TFEC: variants seen among roughly 807,000 people sequenced by gnomAD.
TFEC encodes class E basic helix-loop-helix protein 34.
A neutral mutation model predicts 41.6 loss-of-function variants in TFEC; 31 were observed. The observed-to-expected ratio is 0.74, with a 90% CI of 0.56 to 1.01. TFEC has a LOEUF of 1.01. TFEC is among the 50% of genes least tolerant of loss of function. The probability of loss-of-function intolerance (pLI) is 0.00; values close to 1 mark genes in which losing one functional copy is unlikely to be tolerated. For missense variants in TFEC, 402 were observed against 404.1 expected (o/e 0.99, Z 0.04); for synonymous variants, 143 against 140.6 (o/e 1.02, Z -0.12).
intron 3 of TFEC, among the ~76,000 whole-genome samples, chr7:116,039,951 C>A (rs1795997422): frequency 6.6e-6 from 1 of 152,028 alleles, no homozygotes; most frequent in South Asian, 2.1e-4. Context: ...AAGAGGAGAA[C>A]TGGGGTAAGT....
At chr7:116,008,548 G>A (rs1049063823) in intron 1 of TFEC, among the ~76,000 whole-genome samples, 1 of 152,106 alleles carries the variant, frequency 6.6e-6, no homozygotes, top group Non-Finnish European at 1.5e-5. Context: ...CTTGGTATCA[G>A]AGGTATATAA....
At chr7:116,128,919 GA>G (rs1798271258) in intron 1 of TFEC, among the ~76,000 whole-genome samples, 1 of 151,882 alleles carries the variant, frequency 6.6e-6, no homozygotes, top group Admixed American at 6.6e-5. Context: ...AATAGAAACA[GA>G]AAAAGACAAT....
intron 1 of TFEC, among the ~76,000 whole-genome samples, chr7:116,029,762 A>G (rs1270947373): frequency 6.6e-6 from 1 of 152,024 alleles, no homozygotes; most frequent in Non-Finnish European, 1.5e-5. Context: ...TAAAGTTTCT[A>G]CTACAACTCT....
chr7:115,997,846 T>C (rs1175779645), intron 1 of TFEC, among the ~76,000 whole-genome samples: 1 of 152,010 alleles, frequency 6.6e-6, no homozygotes, highest in African/African-American at 2.4e-5. Context: ...GCAGAATTCA[T>C]CAAGCAGAAG....
intron 3 of TFEC, among the ~76,000 whole-genome samples, chr7:116,067,690 T>C (rs1252558834): frequency 6.6e-6 from 1 of 151,972 alleles, no homozygotes; most frequent in Non-Finnish European, 1.5e-5. Flanking sequence ...TATGTGAAAA[T>C]TGTGGGTGGC....
intron 3 of TFEC, among the ~76,000 whole-genome samples, chr7:116,068,801 A>G (rs530728680): frequency 6.6e-6 from 1 of 151,758 alleles, no homozygotes; most frequent in African/African-American, 2.4e-5. Context: ...TTTAATTCAT[A>G]TGTAAGCTGT....
At chr7:116,110,915 C>T (rs1395607966) in exon 3 of TFEC, 1 of 1,505,984 alleles carries the variant, frequency 6.6e-7, no homozygotes, top group East Asian at 2.5e-5. Flanking sequence ...TATTTCTCTT[C>T]TTTTCTTCTC....
rs1321455207 is a variant in TFEC at position 115,935,626 on chromosome 7, ATTTGTATAT to A, written c.*4916_*4924del. On this transcript the variant is annotated 3_prime_UTR_variant, in exon 8 of 8. Transcript: ENST00000265440. Reference sequence around the variant, plus strand: ...TTCAGCAAAATCAGTCTCTTCTTTTATTTGTATATTTTGTCTGCTACATAAACTACCAGC... The same window carrying A: ...TTCAGCAAAATCAGTCTCTTCTTTTATTTGTCTGCTACATAAACTACCAGC... 6.6e-6 allele frequency: 1 copy of A among 151,600 alleles called. No homozygotes were observed. The highest frequency in any genetic ancestry group is 6.6e-5 in the Admixed American group (1 of 15,190). The allele number at this position is 151,600 out of a possible 1,614,324, so 9.4% of individuals were successfully genotyped here. A position where few individuals can be genotyped will look rare whatever the true frequency, so the allele number is the denominator to read the frequency against.
Position 115,984,325 on chromosome 7 carries a change from G to A in TFEC, c.117C>T (p.Leu39=), listed in dbSNP as rs1457843417. The A allele has an allele frequency of 9.9e-6, 16 of 1,613,932 alleles. No homozygotes were observed. Among genetic ancestry groups the A allele is most frequent in the Non-Finnish European group, 1.4e-5 (16 of 1,179,970 alleles). ...GTAACTTGGTGAGTGGGTTTTCTGT[G>A]AGGCCAGCATCACTGTCCAGAGTTG... ...AHTTLDSDAG[L]TENPLTKLLA... Residue 39 remains leucine (L), a synonymous_variant, in exon 2 of 8, where the codon CTC becomes CTT. Transcript: ENST00000265440.
At chr7:116,034,687 TACACAC>T (rs58308740), upstream of TFEC, among the ~76,000 whole-genome samples, 89 of 148,368 alleles carry the variant, frequency 6.0e-4, 1 homozygote, top group Admixed American at 6.8e-4. Context: ...CAGGCATGCA[TACACAC>T]ACACACACAC....
chr7:116,143,485 G>A (rs1189685233), intron 1 of TFEC, among the ~76,000 whole-genome samples: 1 of 152,154 alleles, frequency 6.6e-6, no homozygotes, highest in African/African-American at 2.4e-5. Context: ...TGAATGAAGT[G>A]CAACATGAAA....
At chr7:115,952,952 A>C (rs1306752705) in intron 5 of TFEC, among the ~76,000 whole-genome samples, 1 of 151,956 alleles carries the variant, frequency 6.6e-6, no homozygotes, top group East Asian at 1.9e-4. Flanking sequence ...TTTCCTCCCT[A>C]ATTCCCTGAG....
At chr7:116,017,406 T>C (rs1795233495) in intron 1 of TFEC, among the ~76,000 whole-genome samples, 1 of 152,092 alleles carries the variant, frequency 6.6e-6, no homozygotes, top group Non-Finnish European at 1.5e-5. Context: ...GTATTTTTCG[T>C]AGAGATGGAG....
intron 3 of TFEC, among the ~76,000 whole-genome samples, chr7:116,062,578 T>C (rs1284352628): frequency 4.0e-5 from 3 of 75,196 alleles, no homozygotes; most frequent in African/African-American, 1.0e-4. Context: ...TATATATATA[T>C]ATATATATAT....
intron 1 of TFEC, among the ~76,000 whole-genome samples, chr7:116,112,305 G>A (rs182493626): frequency 1.1e-4 from 16 of 152,038 alleles, no homozygotes; most frequent in Admixed American, 9.2e-4. Flanking sequence ...TTTCAAAGTA[G>A]GGTAAGATGT....
At chr7:115,969,221 G>A (rs1793017501) in intron 3 of TFEC, among the ~76,000 whole-genome samples, 1 of 151,862 alleles carries the variant, frequency 6.6e-6, no homozygotes, top group Admixed American at 6.6e-5. Context: ...TTAGGCTCCA[G>A]AGACACAGCA....
chr7:115,959,364 A>G (rs1451249081), intron 3 of TFEC, among the ~76,000 whole-genome samples: 1 of 151,752 alleles, frequency 6.6e-6, no homozygotes, highest in African/African-American at 2.4e-5. Flanking sequence ...TGAGGAGTGA[A>G]TAACAGTAGT....
chr7:116,017,698 AAT>A (rs1045144997), intron 1 of TFEC, among the ~76,000 whole-genome samples: 4 of 152,040 alleles, frequency 2.6e-5, no homozygotes. Flanking sequence ...ACTATCCCCC[AAT>A]ACAGCTTCCA....
At chr7:116,002,707 G>A (rs1357753584) in intron 1 of TFEC, among the ~76,000 whole-genome samples, 4 of 152,052 alleles carry the variant, frequency 2.6e-5, no homozygotes, top group Admixed American at 2.6e-4. Context: ...ATAAATACTT[G>A]AGGTGATAGA....
Sources: gnomAD v4.1 joint callset for allele counts (sites outside exome capture counted in the v4.1 genomes callset) on GRCh38, gnomAD v4.1.1 for gene constraint, MANE v1.5 for transcripts, NCBI Gene and HGNC (gene_info 2026-07-23, HGNC 2026-07-21) for gene names.